The following PPM1K variants were observed in gnomAD, a reference collection of about 807,000 sequenced individuals.
PPM1K encodes protein phosphatase, Mg2+/Mn2+ dependent 1K, also known as protein phosphatase Mn(2+)-dependent 1K.
Under a neutral mutation model 32.6 loss-of-function variants are expected in PPM1K, and 19 were observed. The observed-to-expected ratio is 0.58, with a 90% confidence interval of 0.41 to 0.86. The LOEUF is 0.86. Ranked by LOEUF, PPM1K falls within the 40% of genes least tolerant of loss-of-function variation. The pLI, the probability that PPM1K is intolerant of heterozygous loss-of-function variation, is 0.00. For missense variants in PPM1K, 362 were observed against 461.2 expected (o/e 0.78, Z 1.97); for synonymous variants, 159 against 165.3 (o/e 0.96, Z 0.29).
chr4:88,266,517 T>TGTTG (rs1560485234), intron 5 of PPM1K, among the ~76,000 whole-genome samples: 1 of 143,010 alleles, frequency 7.0e-6, no homozygotes, highest in Non-Finnish European at 1.5e-5. Flanking sequence ...GTGCAGGTGA[T>TGTTG]GCTGATTGGG....
Position 88,259,247 on chromosome 4 carries a change from C to G in PPM1K, c.*3348G>C, listed in dbSNP as rs975089355. On this transcript the variant is annotated 3_prime_UTR_variant, in exon 7 of 7. Transcript: ENST00000608933. ...CACCACTGTACTCCAGCCTGTGTGA[C>G]AGAGTGAGACTCCATCTCAAAAAAA... 1 of 141,446 alleles carries G rather than the reference C, an allele frequency of 7.1e-6. No homozygotes were observed. Among genetic ancestry groups the G allele is most frequent in the Admixed American group, 7.4e-5 (1 of 13,502 alleles). 8.8% of individuals were successfully genotyped at this position (141,446 alleles called of 1,614,324 possible). A position where few individuals can be genotyped will look rare whatever the true frequency, so the allele number is the denominator to read the frequency against.
chr4:88,279,694 G>A (rs1448057280), intron 1 of PPM1K: 1 of 152,142 alleles, frequency 6.6e-6, no homozygotes, highest in Non-Finnish European at 1.5e-5. Flanking sequence ...CCCACTGCAG[G>A]TAGAGCTGTT....
intron 5 of PPM1K, among the ~76,000 whole-genome samples, chr4:88,266,946 G>GTGA (rs1731342098): frequency 6.7e-6 from 1 of 149,072 alleles, no homozygotes; most frequent in Non-Finnish European, 1.5e-5. Context: ...CTGGGTGCAG[G>GTGA]TGCTGCTGAT....
At chr4:88,263,319 T>C (rs988028224) in intron 6 of PPM1K, among the ~76,000 whole-genome samples, 17 of 152,122 alleles carry the variant, frequency 1.1e-4, no homozygotes, top group Non-Finnish European at 1.6e-4. Context: ...AAAAAAAATA[T>C]GGTAAGAATT....
At chr4:88,268,103 A>G in intron 5 of PPM1K, 87 bp downstream of exon 5, 2 of 1,412,570 alleles carry the variant, frequency 1.4e-6, no homozygotes, top group Non-Finnish European at 9.7e-7. Context: ...TTTTGGCTTC[A>G]GTTAAGGCTT....
intron 4 of PPM1K, 150 bp from the exon 5 acceptor site, chr4:88,268,484 G>A: frequency 1.1e-6 from 1 of 907,664 alleles, no homozygotes; most frequent in Non-Finnish European, 1.7e-6. Context: ...AGCCGAGCGT[G>A]TTGGCAGGCG....
At chr4:88,271,355 G>A (rs1012433937) in intron 3 of PPM1K, among the ~76,000 whole-genome samples, 12 of 152,162 alleles carry the variant, frequency 7.9e-5, no homozygotes, top group East Asian at 3.8e-4. Context: ...AATATTCCAG[G>A]AGATGCCAAA....
At chr4:88,283,410 G>A (rs566620843) in intron 1 of PPM1K, among the ~76,000 whole-genome samples, 21 of 152,336 alleles carry the variant, frequency 1.4e-4, no homozygotes, top group Admixed American at 6.5e-4. Flanking sequence ...CGGTCTCATT[G>A]CTCTTTTTCA....
At chr4:88,264,815 G>T (rs1260829638) in intron 6 of PPM1K, among the ~76,000 whole-genome samples, 186 bp downstream of exon 6, 1 of 152,076 alleles carries the variant, frequency 6.6e-6, no homozygotes, top group Admixed American at 6.5e-5. Context: ...CAAAGCCAAA[G>T]AATAAACAAA....
chr4:88,275,861 CCT>C (rs1307424159), intron 3 of PPM1K: 2 of 985,216 alleles, frequency 2.0e-6, no homozygotes, highest in African/African-American at 3.5e-5. Context: ...ATAAAGTTTA[CCT>C]CTTTCAGCTT....
Position 88,268,218 on chromosome 4 carries a change from A to G in PPM1K, c.824T>C (p.Ile275Thr), listed in dbSNP as rs150820126. 1.9e-6 allele frequency: 3 copies of G among 1,614,150 alleles called. No individual in the cohort carries two copies. Among genetic ancestry groups the G allele is most frequent in the African/African-American group, 2.7e-5 (2 of 75,040 alleles). ...GDLDLKTSGV[I>T]AEPETKRIKL... ...AATCCTCTTAGTTTCAGGTTCTGCT[A>G]TGACACCACTGGTCTTAAGGTCCAA... Residue 275 changes from isoleucine (I) to threonine (T), a missense_variant, in exon 5 of 7, where the codon ATA becomes ACA. Coordinates refer to ENST00000608933, the MANE Select transcript of PPM1K (RefSeq NM_152542.5).
chr4:88,262,491 T>C lies in PPM1K; in HGVS notation c.*104A>G, dbSNP rs1480015288. On this transcript the variant is annotated 3_prime_UTR_variant, in exon 7 of 7. Transcript: ENST00000608933. ...TACTATCTAAGTGGTTTACACTGAC[T>C]TGTGCGCTGATCTAGTGAGTTAGGA... The C allele has an allele frequency of 7.7e-7, 1 of 1,306,282 alleles. No homozygotes were observed. The highest frequency in any genetic ancestry group is 1.1e-6 in the Non-Finnish European group (1 of 947,474). The allele number at this position is 1,306,282 out of a possible 1,614,324, so 80.9% of individuals were successfully genotyped here.
chr4:88,276,517 T>TAA (rs1394944125), intron 3 of PPM1K: 1 of 985,198 alleles, frequency 1.0e-6, no homozygotes, highest in African/African-American at 1.7e-5. Flanking sequence ...TTTAAGGACA[T>TAA]ACAGTACACA....
chr4:88,272,214 C>T (rs114069514), intron 3 of PPM1K, among the ~76,000 whole-genome samples: 248 of 152,270 alleles, frequency 1.6e-3, no homozygotes, highest in African/African-American at 5.7e-3. Flanking sequence ...AGTAGCAGCA[C>T]GGTAAGAACA....
rs1730963295 is a variant in PPM1K at position 88,257,854 on chromosome 4, C to A, written c.*4741G>T. The A allele has an allele frequency of 2.0e-5, 3 of 152,166 alleles. No homozygotes were observed. The highest frequency in any genetic ancestry group is 4.8e-5 in the African/African-American group (2 of 41,436). The allele number at this position is 152,166 out of a possible 1,614,324, so 9.4% of individuals were successfully genotyped here. Reference sequence around the variant, plus strand: ...ATCAGTTTGGGGACACATCAGGCTGCTAAATTCTGTACTAGAATCCAACAG... The same window carrying A: ...ATCAGTTTGGGGACACATCAGGCTGATAAATTCTGTACTAGAATCCAACAG... On this transcript the variant is annotated 3_prime_UTR_variant, in exon 7 of 7. Coordinates refer to ENST00000608933, the MANE Select transcript of PPM1K (RefSeq NM_152542.5).
At chr4:88,276,779 T>TA (rs199841604) in intron 3 of PPM1K, 6,449 of 803,000 alleles carry the variant, frequency 8.0e-3, no homozygotes, top group South Asian at 0.011. Context: ...CAGATCCATC[T>TA]AAAAAAAAAA....
intron 3 of PPM1K, chr4:88,276,301 C>T: frequency 1.0e-6 from 1 of 985,202 alleles, no homozygotes; most frequent in Non-Finnish European, 1.2e-6. Context: ...AAGGATGAAC[C>T]AAATACAGAT....
chr4:88,275,964 A>G (rs1731749160), intron 3 of PPM1K: 1 of 985,306 alleles, frequency 1.0e-6, no homozygotes, highest in African/African-American at 1.7e-5. Flanking sequence ...ATGATCTACA[A>G]ACTGGAAAAC....
chr4:88,268,479 A>G (rs547187879), intron 4 of PPM1K, 145 bp from the exon 5 acceptor site: 28 of 957,816 alleles, frequency 2.9e-5, no homozygotes, highest in East Asian at 1.6e-4. Context: ...AAATTAGCCG[A>G]GCGTGTTGGC....
Sources: gnomAD v4.1 joint callset for allele counts (sites outside exome capture counted in the v4.1 genomes callset) on GRCh38, gnomAD v4.1.1 for gene constraint, MANE v1.5 for transcripts, NCBI Gene and HGNC (gene_info 2026-07-23, HGNC 2026-07-21) for gene names.